PCSK6: variants seen among roughly 807,000 people sequenced by gnomAD.
PCSK6 encodes the protein paired basic amino acid cleaving enzyme 4.
In PCSK6, 85 loss-of-function variants were observed where a neutral mutation model predicts 123.3. That is an observed-to-expected ratio of 0.69 (90% confidence interval 0.58 to 0.83). The LOEUF is 0.83. Ranked by LOEUF, PCSK6 falls within the 40% of genes least tolerant of loss-of-function variation. The pLI is 0.00. For synonymous variants in PCSK6, 508 were observed against 516.0 expected (o/e 0.98, Z 0.21); for missense variants, 1,191 against 1,282.3 (o/e 0.93, Z 1.09).
At chr15:101,421,482 A>G (rs1223108057) in intron 6 of PCSK6, among the ~76,000 whole-genome samples, 1 of 152,212 alleles carries the variant, frequency 6.6e-6, no homozygotes. Flanking sequence ...GAGATGGTAC[A>G]TGACTTCTGA....
chr15:101,470,219 T>A (rs1326988339), intron 1 of PCSK6, among the ~76,000 whole-genome samples: 2 of 152,228 alleles, frequency 1.3e-5, no homozygotes, highest in Non-Finnish European at 2.9e-5. Context: ...ATTTCACCAA[T>A]GTCTCTTAAA....
intron 6 of PCSK6, among the ~76,000 whole-genome samples, chr15:101,405,241 T>G (rs2042735315): frequency 6.6e-6 from 1 of 152,192 alleles, no homozygotes; most frequent in Non-Finnish European, 1.5e-5. Flanking sequence ...TACTATAAAA[T>G]GTCAGGTATA....
chr15:101,484,051 G>A (rs931005278), intron 1 of PCSK6, among the ~76,000 whole-genome samples: 2 of 152,056 alleles, frequency 1.3e-5, no homozygotes, highest in Non-Finnish European at 2.9e-5. Flanking sequence ...ATATACGTGT[G>A]TTTATATATT....
chr15:101,307,096 C>G (rs1223516897), intron 21 of PCSK6, 117 bp downstream of exon 21: 2 of 703,864 alleles, frequency 2.8e-6, no homozygotes, highest in Non-Finnish European at 2.5e-6. Context: ...ATCAGGGGCA[C>G]GAACGCCTGT....
At chr15:101,329,964 A>G (rs1236715778) in intron 15 of PCSK6, among the ~76,000 whole-genome samples, 2 of 152,124 alleles carry the variant, frequency 1.3e-5, no homozygotes, top group African/African-American at 4.8e-5. Flanking sequence ...GCAGACCCCC[A>G]GGCGTCCCAC....
At chr15:101,317,536 A>C (rs1426642870) in intron 19 of PCSK6, among the ~76,000 whole-genome samples, 5 of 152,122 alleles carry the variant, frequency 3.3e-5, no homozygotes, top group Non-Finnish European at 7.3e-5. Flanking sequence ...TGTTCAAAAT[A>C]AGTGAAGATA....
At chr15:101,462,990 G>A (rs1314296041) in intron 1 of PCSK6, 54 of 457,006 alleles carry the variant, frequency 1.2e-4, no homozygotes, top group Admixed American at 6.5e-4. Context: ...GAGGAGGGCC[G>A]TTTCCTCCTC....
intron 6 of PCSK6, among the ~76,000 whole-genome samples, chr15:101,424,660 G>A (rs1436903294): frequency 2.0e-5 from 3 of 152,248 alleles, no homozygotes; most frequent in South Asian, 4.1e-4. Flanking sequence ...AGTAGTTTGC[G>A]GTCAACTACA....
At chr15:101,410,338 G>GC (rs1425652853) in intron 6 of PCSK6, among the ~76,000 whole-genome samples, 3 of 152,202 alleles carry the variant, frequency 2.0e-5, no homozygotes, top group Non-Finnish European at 2.9e-5. Flanking sequence ...CAAGTCTGGA[G>GC]CCCCCCACCA....
intron 1 of PCSK6, among the ~76,000 whole-genome samples, chr15:101,462,582 C>T (rs544277904): frequency 1.3e-5 from 2 of 152,134 alleles, no homozygotes; most frequent in East Asian, 1.9e-4. Flanking sequence ...AAGTTTAACT[C>T]GTGGAACAGA....
chr15:101,324,729 T>C, intron 17 of PCSK6, 121 bp downstream of exon 17: 3 of 820,648 alleles, frequency 3.7e-6, no homozygotes, highest in Admixed American at 2.6e-5. Context: ...TCAAAGTCCT[T>C]ACTCAGAACA....
chr15:101,365,752 C>T (rs181473105), intron 13 of PCSK6: 6 of 154,944 alleles, frequency 3.9e-5, no homozygotes, highest in Non-Finnish European at 5.7e-5. Flanking sequence ...TTGATGCATA[C>T]GACAATATTG....
At chr15:101,310,925 G>A (rs543969536) in intron 20 of PCSK6, among the ~76,000 whole-genome samples, 4 of 152,262 alleles carry the variant, frequency 2.6e-5, no homozygotes, top group South Asian at 4.1e-4. Flanking sequence ...GAAGCCCCCC[G>A]ATATGGTTTG....
rs115602630 is a variant in PCSK6 at position 101,441,352 on chromosome 15, T to A, written c.402+2204A>T. Among the ~76,000 whole-genome samples, 941 of 152,036 alleles carry A rather than the reference T, an allele frequency of 6.2e-3. 15 individuals are homozygous for A. The highest frequency in any genetic ancestry group is 0.029 in the East Asian group (149 of 5,158). On this transcript the variant is annotated intron_variant, in intron 2 of 21. Transcript: ENST00000611716. The stretch of plus-strand genomic sequence containing the variant: ...AGGCAGGTCCAGGGTATGGTGGCCC[T>A]CAAGCCCCCCACAGAGTCTGTCTCT...
chr15:101,484,950 G>A (rs1279026151), intron 1 of PCSK6, among the ~76,000 whole-genome samples: 1 of 152,146 alleles, frequency 6.6e-6, no homozygotes, highest in Admixed American at 6.5e-5. Context: ...TTGTGCACAC[G>A]TGGGAGAGTT....
intron 1 of PCSK6, among the ~76,000 whole-genome samples, chr15:101,464,936 T>C (rs1307693332): frequency 8.8e-6 from 1 of 114,174 alleles, no homozygotes; most frequent in Non-Finnish European, 2.0e-5. Flanking sequence ...ACCAGAGTGA[T>C]CACCTAAGCA....
At chr15:101,316,641 A>G (rs2039995032) in intron 19 of PCSK6, among the ~76,000 whole-genome samples, 1 of 152,258 alleles carries the variant, frequency 6.6e-6, no homozygotes, top group South Asian at 2.1e-4. Flanking sequence ...ACCCATCCAG[A>G]TGCTGAGCAC....
At chr15:101,370,570 T>C (rs1007383286) in intron 11 of PCSK6, 47 bp from the exon 12 acceptor site, 2 of 1,389,758 alleles carry the variant, frequency 1.4e-6, no homozygotes, top group African/African-American at 2.9e-5. Context: ...AAGCATGAAG[T>C]CTCACCCACA....
At chr15:101,339,928 TATATAA>T (rs1290149700) in intron 13 of PCSK6, among the ~76,000 whole-genome samples, 1 of 139,462 alleles carries the variant, frequency 7.2e-6, no homozygotes, top group Non-Finnish European at 1.5e-5. Flanking sequence ...TATATATATA[TATATAA>T]AATTACACAT....
Sources: allele counts gnomAD v4.1 joint callset (sites outside exome capture counted in the v4.1 genomes callset), GRCh38; gene constraint gnomAD v4.1.1; transcripts MANE v1.5; gene names NCBI Gene and HGNC (gene_info 2026-07-23, HGNC 2026-07-21).